Variants in CHD5 observed in about 807,000 individuals in gnomAD.
The protein encoded by CHD5 is chromodomain helicase DNA binding protein 5.
A neutral mutation model predicts 230.3 loss-of-function variants in CHD5; 69 were observed. The observed-to-expected ratio is 0.30, with a 90% CI of 0.25 to 0.37. The LOEUF is 0.37. Among genes scored for constraint, CHD5 ranks in the 10% least tolerant of loss-of-function variants. CHD5 has a pLI of 1.00. For missense variants in CHD5, 1,827 were observed against 2,622.8 expected (o/e 0.70, Z 6.63); for synonymous variants, 1,064 against 1,065.9 (o/e 1.00, Z 0.03).
chr1:6,146,451 G>T lies in CHD5; in HGVS notation c.1591-28C>A, dbSNP rs1463047524. ...GCTCATGGAGCGGCACAAAGTCACA[G>T]AAGGGAGATGGGCCATGGTCCCCTG... On this transcript the variant is annotated intron_variant, in intron 10 of 41. Transcript: ENST00000262450. The surrounding 1 kb of genome is among the most constrained non-coding windows in gnomAD (Gnocchi z 5.1). 1 of 1,599,808 alleles carries T rather than the reference G, an allele frequency of 6.3e-7. No individual in the cohort carries two copies. Among genetic ancestry groups the T allele is most frequent in the African/African-American group, 1.3e-5 (1 of 74,708 alleles).
At position 6,128,652 on chromosome 1, in the gene CHD5, G is replaced by T; in HGVS notation, c.3620-43C>A. On this transcript the variant is annotated intron_variant, in intron 23 of 41. Transcript: ENST00000262450. This position sits in a 1 kb window ranked among gnomAD's most constrained non-coding sequence, Gnocchi z 7.8. The stretch of plus-strand genomic sequence containing the variant: ...AAAGCACTGGTGCAGGACCACAGAG[G>T]GCTGCAGGGTTGGCGGGCAGTGCCC... 1 of 1,518,294 alleles carries T rather than the reference G, an allele frequency of 6.6e-7. No individual in the cohort carries two copies. The highest frequency in any genetic ancestry group is 9.1e-7 in the Non-Finnish European group (1 of 1,095,572). The allele number at this position is 1,518,294 out of a possible 1,614,324, so 94.1% of individuals were successfully genotyped here. A position where few individuals can be genotyped will look rare whatever the true frequency, so the allele number is the denominator to read the frequency against.
intron 25 of CHD5, chr1:6,127,065 A>G: frequency 2.6e-6 from 1 of 391,272 alleles, no homozygotes. Context: ...GTTTCAAAGG[A>G]AAAGGTCATG....
Position 6,111,635 on chromosome 1 carries a change from G to A in CHD5, c.5249+140C>T, listed in dbSNP as rs1421728593. 19 of 667,666 alleles carry A rather than the reference G, an allele frequency of 2.8e-5. No homozygotes were observed. In the Middle Eastern group the frequency reaches 1.2e-3, roughly 43 times the overall value. The allele number at this position is 667,666 out of a possible 1,614,324, so 41.4% of individuals were successfully genotyped here. ...GGGGAGCGGGCGACACAGCAATGCC[G>A]AGGATTTCTAGCCACCGCCAGAAGT... is the stretch of plus-strand genomic sequence containing the variant. On this transcript the variant is annotated intron_variant, in intron 36 of 41. Transcript: ENST00000262450.
intron 1 of CHD5, among the ~76,000 whole-genome samples, chr1:6,171,215 G>C (rs1485651049): frequency 1.3e-5 from 2 of 152,230 alleles, no homozygotes; most frequent in African/African-American, 4.8e-5. Flanking sequence ...CGTGGGTAAG[G>C]GGAGGACAAA....
rs749395025 is a variant in CHD5 at position 6,144,045 on chromosome 1, T to C, written c.1913A>G (p.Lys638Arg). ...DIDIPYYDNL[K>R]QAYWGHRELM... ...CCACCTGTGGCCCCAGTAGGCCTGCTTGAGGTTGTCGTAGTAGGGGATGTC... is the reference window on the plus strand; with the variant it reads ...CCACCTGTGGCCCCAGTAGGCCTGCCTGAGGTTGTCGTAGTAGGGGATGTC... The change falls in exon 12 of 42, where the codon AAG (lysine) becomes AGG (arginine). Residue 638 changes from lysine to arginine, a missense_variant. Around this residue, in one of 14 missense-constraint regions of CHD5, gnomAD observed 657 missense variants for 816.4 expected, o/e 0.80. Coordinates refer to ENST00000262450, the MANE Select transcript of CHD5 (RefSeq NM_015557.3). 1.2e-6 allele frequency: 2 copies of C among 1,614,128 alleles called. No homozygotes were observed. Among genetic ancestry groups the C allele is most frequent in the East Asian group, 4.5e-5 (2 of 44,874 alleles).
chr1:6,173,956 A>C (rs968273504), intron 1 of CHD5, among the ~76,000 whole-genome samples: 13 of 152,228 alleles, frequency 8.5e-5, no homozygotes, highest in African/African-American at 3.1e-4. Flanking sequence ...TCACATCAAA[A>C]GAAAGCATCA....
At chr1:6,159,742 C>T (rs1667137302) in intron 2 of CHD5, among the ~76,000 whole-genome samples, 1 of 152,264 alleles carries the variant, frequency 6.6e-6, no homozygotes, top group Non-Finnish European at 1.5e-5. Context: ...GGGTCTACGC[C>T]ACAGGAAGCA....
chr1:6,161,588 G>A (rs527926673), intron 2 of CHD5, among the ~76,000 whole-genome samples: 1 of 152,218 alleles, frequency 6.6e-6, no homozygotes, highest in South Asian at 2.1e-4. Context: ...CACTGGCTGG[G>A]AGCCTGCTCT....
intron 31 of CHD5, among the ~76,000 whole-genome samples, chr1:6,123,707 G>C (rs1401891090): frequency 3.3e-5 from 5 of 151,972 alleles, no homozygotes; most frequent in Non-Finnish European, 7.4e-5. Flanking sequence ...TGATTAACAG[G>C]TGTGAGCCAC....
chr1:6,143,940 C>G lies in CHD5; in HGVS notation c.1935-9G>C. 1 of 1,614,084 alleles carries G rather than the reference C, an allele frequency of 6.2e-7. No homozygotes were observed. The highest frequency in any genetic ancestry group is 1.1e-5 in the South Asian group (1 of 91,080). The stretch of plus-strand genomic sequence containing the variant: ...CTCCCAGCATCAGCTCCCTGGGAAA[C>G]GGCATTGGAGGCAGGTGAGCAAGGC... On this transcript the variant is annotated splice_polypyrimidine_tract_variant and intron_variant, in intron 12 of 41. Transcript: ENST00000262450.
At chr1:6,119,148 CT>C (rs112874563) in intron 33 of CHD5, among the ~76,000 whole-genome samples, 3,864 of 150,602 alleles carry the variant, frequency 0.026, 160 homozygotes, top group African/African-American at 0.089. Flanking sequence ...CAAAAATAAA[CT>C]TTTTTTTTCT....
intron 33 of CHD5, chr1:6,113,437 A>C (rs1252247137): frequency 3.0e-6 from 1 of 329,614 alleles, no homozygotes. Context: ...AAAAAACAGC[A>C]CACAGAAGAT....
intron 3 of CHD5, among the ~76,000 whole-genome samples, chr1:6,157,250 A>C (rs566574827): frequency 2.0e-5 from 3 of 152,284 alleles, no homozygotes; most frequent in Non-Finnish European, 4.4e-5. Context: ...AATCAGAGGG[A>C]ATGCTGGTCT....
At position 6,142,652 on chromosome 1, in the gene CHD5, C is replaced by A; in HGVS notation, c.2044-47G>T. The stretch of plus-strand genomic sequence containing the variant: ...AGACACGCCCCAGATCCTGGGCCAC[C>A]AGAGTCCACACTACAGGCCTTTGCA... On this transcript the variant is annotated intron_variant, in intron 13 of 41. Coordinates refer to ENST00000262450, the MANE Select transcript of CHD5 (RefSeq NM_015557.3). The surrounding 1 kb of genome is among the most constrained non-coding windows in gnomAD (Gnocchi z 5.2). The A allele has an allele frequency of 1.3e-5, 20 of 1,570,214 alleles. No homozygotes were observed. The highest frequency in any genetic ancestry group is 1.7e-5 in the Non-Finnish European group (20 of 1,156,308).
At chr1:6,122,844 T>C (rs1571144875) in intron 31 of CHD5, among the ~76,000 whole-genome samples, 1 of 151,132 alleles carries the variant, frequency 6.6e-6, no homozygotes, top group African/African-American at 2.4e-5. Flanking sequence ...CCGAGGAGGG[T>C]GGATCACCTG....
Position 6,106,605 on chromosome 1 carries a change from C to T in CHD5, c.5742+11G>A, listed in dbSNP as rs775778536. ...GGGGGCTCGGGCCGGGGCACACAGGCCGAGCCTGACCTGCTGGATGGTGGG... is the reference window on the plus strand; with the variant it reads ...GGGGGCTCGGGCCGGGGCACACAGGTCGAGCCTGACCTGCTGGATGGTGGG... On this transcript the variant is annotated intron_variant, in intron 39 of 41. Transcript: ENST00000262450. 2 of 1,557,468 alleles carry T rather than the reference C, an allele frequency of 1.3e-6. No homozygotes were observed. Among genetic ancestry groups the T allele is most frequent in the Non-Finnish European group, 8.7e-7 (1 of 1,151,428 alleles).
rs941770346 is a variant in CHD5, at chr1:6,154,957, G to C, written c.507-59C>G. On this transcript the variant is annotated intron_variant, in intron 4 of 41. Coordinates refer to ENST00000262450, the MANE Select transcript of CHD5 (RefSeq NM_015557.3). This position sits in a 1 kb window ranked among gnomAD's most constrained non-coding sequence, Gnocchi z 7.0. Reference sequence around the variant, plus strand: ...GCCAGGTGAGATGAGAGGCCCACCCGACCCCCGGCAGGGCCCACCCCTCTG... The same window carrying C: ...GCCAGGTGAGATGAGAGGCCCACCCCACCCCCGGCAGGGCCCACCCCTCTG... 4.6e-5 allele frequency: 68 copies of C among 1,488,264 alleles called. No individual in the cohort carries two copies. Among genetic ancestry groups the C allele is most frequent in the Non-Finnish European group, 6.0e-5 (65 of 1,083,686 alleles). 92.2% of individuals were successfully genotyped at this position (1,488,264 alleles called of 1,614,324 possible). A position where few individuals can be genotyped will look rare whatever the true frequency, so the allele number is the denominator to read the frequency against.
chr1:6,140,195 G>A (rs1387050746), intron 15 of CHD5, among the ~76,000 whole-genome samples: 1 of 152,230 alleles, frequency 6.6e-6, no homozygotes, highest in East Asian at 1.9e-4. Flanking sequence ...GAGGTCAAGA[G>A]ATCGAGACCA....
intron 38 of CHD5, among the ~76,000 whole-genome samples, chr1:6,107,222 G>A (rs1468099691): frequency 2.8e-5 from 4 of 141,820 alleles, no homozygotes; most frequent in South Asian, 2.4e-4. Flanking sequence ...TGGAGGGATG[G>A]AGGGATGATG....
Sources: gnomAD v4.1 joint callset for allele counts (sites outside exome capture counted in the v4.1 genomes callset) on GRCh38, gnomAD v4.1.1 for gene constraint, gnomAD v4.1.1 regional missense constraint, Gnocchi (gnomAD v3.1) non-coding constraint, MANE v1.5 for transcripts, NCBI Gene and HGNC (gene_info 2026-07-23, HGNC 2026-07-21) for gene names.